MKKS: variants seen among roughly 807,000 people sequenced by gnomAD.
MKKS encodes MKKS centrosomal shuttling protein.
MKKS carries 29 observed loss-of-function variants against 33.2 expected under a neutral mutation model. That is an observed-to-expected ratio of 0.87 (90% CI 0.65 to 1.19). The LOEUF (loss-of-function observed/expected upper bound fraction) is 1.19, where lower values mean the gene tolerates loss of function less well. Among genes scored for constraint, MKKS ranks in the 50% most tolerant of loss-of-function variants. The pLI is 0.00. For missense variants in MKKS, 661 were observed against 662.3 expected, an observed-to-expected ratio of 1.00 and a Z score of 0.02; for synonymous variants, 260 against 244.0, an observed-to-expected ratio of 1.07 and a Z score of -0.61.
chr20:10,434,016 G>C (rs2065077960), intron 1 of MKKS, 92 bp downstream of exon 1: 1 of 152,370 alleles, frequency 6.6e-6, no homozygotes, highest in African/African-American at 2.4e-5. Context: ...GGTGACCTTT[G>C]GGGGTGGAGA....
rs1800194078 is a variant in MKKS, at chr20:10,403,306, G to T, written c.*1941C>A. On this transcript the variant is annotated 3_prime_UTR_variant, in exon 6 of 6. Coordinates refer to ENST00000347364, the MANE Select transcript of MKKS (RefSeq NM_170784.3). ...CTATTCATTAGAAGCTAGTCATTAG[G>T]TCCCACCTACACCCAGAGAGTGAAC... The T allele has an allele frequency of 6.6e-6, 1 of 152,112 alleles. No individual in the cohort carries two copies. Among genetic ancestry groups the T allele is most frequent in the South Asian group, 2.1e-4 (1 of 4,828 alleles). The allele number at this position is 152,112 out of a possible 1,614,324, so 9.4% of individuals were successfully genotyped here. A position where few individuals can be genotyped will look rare whatever the true frequency, so the allele number is the denominator to read the frequency against.
chr20:10,405,079 A>C lies in MKKS; in HGVS notation c.*168T>G, dbSNP rs953135954. ...ATTTTTATTGTTTCATGGCATTTCC[A>C]TTCACGAATCACCTTTTTTCCTAAA... is the stretch of plus-strand genomic sequence containing the variant. On this transcript the variant is annotated 3_prime_UTR_variant, in exon 6 of 6. Coordinates refer to ENST00000347364, the MANE Select transcript of MKKS (RefSeq NM_170784.3). 1.8e-6 allele frequency: 1 copy of C among 545,570 alleles called. No individual in the cohort carries two copies. Among genetic ancestry groups the C allele is most frequent in the African/African-American group, 1.9e-5 (1 of 53,084 alleles). 33.8% of individuals were successfully genotyped at this position (545,570 alleles called of 1,614,324 possible).
Position 10,415,949 on chromosome 20 carries a change from T to C in MKKS, c.-417-2018A>G, listed in dbSNP as rs144682300. On this transcript the variant is annotated intron_variant, in intron 2 of 5. Transcript: ENST00000347364. ...ACTTGTTGACCTGTGGTCACAGGTC[T>C]AGACCTGAACAAAAGAAGGTACAAG... is the stretch of plus-strand genomic sequence containing the variant. Among the ~76,000 whole-genome samples the C allele has an allele frequency of 4.2e-3, 635 of 152,088 alleles. 5 individuals carry two copies. Among genetic ancestry groups the C allele is most frequent in the African/African-American group, 0.014 (575 of 41,482 alleles).
At chr20:10,416,030 T>C (rs1010735999) in intron 2 of MKKS, among the ~76,000 whole-genome samples, 1 of 152,168 alleles carries the variant, frequency 6.6e-6, no homozygotes, top group Non-Finnish European at 1.5e-5. Flanking sequence ...AGAACATGTT[T>C]GGAAGTATCA....
chr20:10,415,487 CA>C, intron 2 of MKKS, among the ~76,000 whole-genome samples: 2 of 152,258 alleles, frequency 1.3e-5, no homozygotes, highest in South Asian at 4.1e-4. Context: ...CAATGATGGT[CA>C]GCTTTCTTCC....
At position 10,402,045 on chromosome 20, in the gene MKKS, A is replaced by T. The variant is rs547037066; in HGVS notation, c.*3202T>A. On this transcript the variant is annotated 3_prime_UTR_variant, in exon 6 of 6. Coordinates refer to ENST00000347364, the MANE Select transcript of MKKS (RefSeq NM_170784.3). The stretch of plus-strand genomic sequence containing the variant: ...CTAATGCCTTTTGATTAATAAGATG[A>T]TAATCCTGTTGGACTCCTATGGTTG... The T allele has an allele frequency of 1.3e-5, 2 of 152,314 alleles. No homozygotes were observed. Among genetic ancestry groups the T allele is most frequent in the Non-Finnish European group, 2.9e-5 (2 of 68,022 alleles). 9.4% of individuals were successfully genotyped at this position (152,314 alleles called of 1,614,324 possible).
intron 1 of MKKS, among the ~76,000 whole-genome samples, chr20:10,426,695 C>T (rs577586771): frequency 1.6e-4 from 25 of 152,302 alleles, no homozygotes; most frequent in African/African-American, 5.8e-4. Flanking sequence ...ATGCACGCCC[C>T]GTGGCATGTC....
intron 1 of MKKS, among the ~76,000 whole-genome samples, chr20:10,433,774 A>T (rs995811788): frequency 3.3e-5 from 5 of 152,038 alleles, no homozygotes; most frequent in African/African-American, 9.7e-5. Flanking sequence ...CCAGCGAGGG[A>T]GGGGACGGGG....
At position 10,427,035 on chromosome 20, in the gene MKKS, C is replaced by CACACAG. The variant is rs1182947383; in HGVS notation, c.-648-6278_-648-6277insCTGTGT. Reference sequence around the variant, plus strand: ...GCCAAGAAAAGAAAACACTGACACACACACACACACACACACACACACACA... The same window carrying CACACAG: ...GCCAAGAAAAGAAAACACTGACACACACACAGACACACACACACACACACACACACA... On this transcript the variant is annotated intron_variant, in intron 1 of 5. Transcript: ENST00000347364. Among the ~76,000 whole-genome samples, 466 of 56,494 alleles carry CACACAG rather than the reference C, an allele frequency of 8.2e-3. 6 individuals carry two copies. Among genetic ancestry groups the CACACAG allele is most frequent in the Middle Eastern group, 0.027 (3 of 110 alleles). The allele number at this position is 56,494 out of a possible 152,430, so 37.1% of individuals were successfully genotyped here.
chr20:10,412,644 C>T lies in MKKS; in HGVS notation c.871G>A (p.Val291Ile), dbSNP rs910468710. The change falls in exon 3 of 6, where the codon GTC becomes ATC. Residue 291 changes from valine to isoleucine, a missense_variant. Physicochemically the swap from Val to Ile is conservative, Grantham distance 29 (BLOSUM62 3). Transcript: ENST00000347364. The part of the protein sequence containing the change: ...RQLISDHVDL[V>I]LCQKVIHPSL... ...GGATGTATAACTTTTTGGCACAGGA[C>T]AAGATCTACGTGGTCACTGATTAGC... 8 of 1,614,142 alleles carry T rather than the reference C, an allele frequency of 5.0e-6. No individual in the cohort carries two copies. In the Admixed American group the frequency reaches 1.0e-4, roughly 20 times the overall value.
In MKKS at chr20:10,412,728, T is replaced by A. The variant is rs764332400; in HGVS notation, c.787A>T (p.Ser263Cys). The A allele has an allele frequency of 2.5e-6, 4 of 1,614,174 alleles. No homozygotes were observed. The highest frequency in any genetic ancestry group is 3.4e-6 in the Non-Finnish European group (4 of 1,180,026). Residue 263 changes from serine to cysteine, a missense_variant, in exon 3 of 6, where the codon AGT (serine) becomes TGT (cysteine). Coordinates refer to ENST00000347364, the MANE Select transcript of MKKS (RefSeq NM_170784.3). ...SDTGEGTVVVSYGVSLENAVL... is the reference protein window; with the variant it reads ...SDTGEGTVVVCYGVSLENAVL... ...GCATTTTCAAGAGAAACCCCATAAC[T>A]GACCACCACAGTTCCTTCTCCAGTG... is the stretch of plus-strand genomic sequence containing the variant.
chr20:10,431,968 A>T (rs2065056987), intron 1 of MKKS: 3 of 152,032 alleles, frequency 2.0e-5, no homozygotes, highest in Admixed American at 2.0e-4. Flanking sequence ...TCAAAGCCCT[A>T]CCTTTGTGAT....
At chr20:10,433,902 A>T (rs1032150784) in intron 1 of MKKS, among the ~76,000 whole-genome samples, 26 of 152,258 alleles carry the variant, frequency 1.7e-4, no homozygotes, top group African/African-American at 5.8e-4. Flanking sequence ...TGCCGACCGC[A>T]ACATTTACCA....
chr20:10,424,027 T>G (rs1171714097), intron 1 of MKKS, among the ~76,000 whole-genome samples: 2 of 152,214 alleles, frequency 1.3e-5, no homozygotes, highest in African/African-American at 4.8e-5. Flanking sequence ...TGACAGATAA[T>G]TCTGTTGTCC....
Position 10,405,852 on chromosome 20 carries a change from C to T in MKKS, c.1273-165G>A, listed in dbSNP as rs138607417. On this transcript the variant is annotated intron_variant, in intron 5 of 5. Transcript: ENST00000347364. ...AACGGGCTTGTATGGGTCAGCCGGC[C>T]GGGTTGCAAACCCTTAACTAGGTTG... Among the ~76,000 whole-genome samples the T allele has an allele frequency of 4.2e-3, 646 of 152,172 alleles. 5 individuals are homozygous for T. The highest frequency in any genetic ancestry group is 0.014 in the African/African-American group (585 of 41,500).
rs537787303 is a variant in MKKS, at chr20:10,431,175, C to A, written c.-649+2933G>T. Among the ~76,000 whole-genome samples the A allele has an allele frequency of 1.8e-4, 27 of 152,128 alleles. No homozygotes were observed. The South Asian group carries it at 5.6e-3, about 32-fold the overall frequency. The stretch of plus-strand genomic sequence containing the variant: ...TACGAATCATATATAAAAATAGGCA[C>A]CCCTGGAGGTTCCTGCTTGATCAAA... On this transcript the variant is annotated intron_variant, in intron 1 of 5. Transcript: ENST00000347364.
At position 10,405,684 on chromosome 20, in the gene MKKS, G is replaced by C; in HGVS notation, c.1276C>G (p.His426Asp). 6.2e-7 allele frequency: 1 copy of C among 1,611,304 alleles called. No individual in the cohort carries two copies. Among genetic ancestry groups the C allele is most frequent in the Non-Finnish European group, 8.5e-7 (1 of 1,177,544 alleles). The change falls in exon 6 of 6, where the codon CAC (histidine) becomes GAC (aspartate). Residue 426 changes from histidine to aspartate, a missense_variant. By Grantham distance (81) the His-to-Asp change is moderately conservative. Transcript: ENST00000347364. ...HLAAYIRHKT[H>D]NDPESILKDD... is the part of the protein sequence containing the mutation. Reference sequence around the variant, plus strand: ...TTGAGAATGCTTTCTGGGTCGTTGTGAGTCTAAAGAGTAATAAAAACATTG... The same window carrying C: ...TTGAGAATGCTTTCTGGGTCGTTGTCAGTCTAAAGAGTAATAAAAACATTG...
At chr20:10,433,233 T>TG (rs1764702307) in intron 1 of MKKS, among the ~76,000 whole-genome samples, 1 of 152,214 alleles carries the variant, frequency 6.6e-6, no homozygotes, top group South Asian at 2.1e-4. Flanking sequence ...CCCAAACTCC[T>TG]GACTCAAGTG....
chr20:10,408,390 C>T (rs555290323), intron 4 of MKKS, among the ~76,000 whole-genome samples: 33 of 152,248 alleles, frequency 2.2e-4, no homozygotes, highest in Middle Eastern at 3.4e-3. Flanking sequence ...GAAAAGTTCG[C>T]ATGTCAAGGG....
Sources: gnomAD v4.1 joint callset for allele counts (sites outside exome capture counted in the v4.1 genomes callset) on GRCh38, gnomAD v4.1.1 for gene constraint, MANE v1.5 for transcripts, NCBI Gene and HGNC (gene_info 2026-07-23, HGNC 2026-07-21) for gene names.